The following GPATCH2 variants were observed in gnomAD, a reference collection of about 807,000 sequenced individuals.
GPATCH2 encodes the protein G-patch domain containing 2, also known as G patch domain-containing protein 2.
In GPATCH2, 51 loss-of-function variants were observed where a neutral mutation model predicts 58.0. The ratio of observed to expected loss-of-function variants is 0.88; its 90% confidence interval spans 0.70 to 1.11. The LOEUF (loss-of-function observed/expected upper bound fraction) is 1.11, where lower values mean the gene tolerates loss of function less well. Among genes scored for constraint, GPATCH2 ranks in the 50% most tolerant of loss-of-function variants. GPATCH2 has a pLI of 0.00. For synonymous variants in GPATCH2, 222 were observed against 218.5 expected (o/e 1.02, Z -0.14); for missense variants, 625 against 652.2 (o/e 0.96, Z 0.45).
chr1:217,613,303 A>T (rs1346882660), intron 3 of GPATCH2, among the ~76,000 whole-genome samples: 2 of 152,140 alleles, frequency 1.3e-5, no homozygotes, highest in Non-Finnish European at 2.9e-5. Flanking sequence ...GGATGAACAG[A>T]CTAAGAAAAA....
At chr1:217,540,930 G>A (rs1334346495) in intron 5 of GPATCH2, among the ~76,000 whole-genome samples, 2 of 152,098 alleles carry the variant, frequency 1.3e-5, no homozygotes, top group Non-Finnish European at 2.9e-5. Flanking sequence ...CAAATTTATT[G>A]TAATACTGTT....
chr1:217,542,518 C>T (rs144637951), intron 5 of GPATCH2, among the ~76,000 whole-genome samples: 33 of 152,272 alleles, frequency 2.2e-4, no homozygotes, highest in African/African-American at 7.2e-4. Flanking sequence ...AAGTTTCAAG[C>T]GCTGGGAGCC....
intron 2 of GPATCH2, among the ~76,000 whole-genome samples, chr1:217,615,753 T>C (rs901982582): frequency 6.6e-6 from 1 of 152,128 alleles, no homozygotes; most frequent in Non-Finnish European, 1.5e-5. Context: ...ATTTCTTCAA[T>C]TAAATGAATG....
At chr1:217,541,516 C>A (rs1238421017) in intron 5 of GPATCH2, among the ~76,000 whole-genome samples, 1 of 152,030 alleles carries the variant, frequency 6.6e-6, no homozygotes, top group Non-Finnish European at 1.5e-5. Flanking sequence ...AGGGGTCTGA[C>A]AAGTAGAGTC....
intron 5 of GPATCH2, among the ~76,000 whole-genome samples, chr1:217,554,788 G>T (rs1665539799): frequency 6.6e-6 from 1 of 152,030 alleles, no homozygotes; most frequent in South Asian, 2.1e-4. Context: ...GTTTGACTTA[G>T]GGAAAAAAGT....
At chr1:217,580,581 T>C (rs527818460) in intron 5 of GPATCH2, among the ~76,000 whole-genome samples, 50 of 152,320 alleles carry the variant, frequency 3.3e-4, no homozygotes, top group Admixed American at 7.2e-4. Context: ...TTATAATTAG[T>C]GTACAGCATT....
At chr1:217,599,995 C>T (rs1668034671) in intron 5 of GPATCH2, among the ~76,000 whole-genome samples, 1 of 151,894 alleles carries the variant, frequency 6.6e-6, no homozygotes, top group African/African-American at 2.4e-5. Flanking sequence ...AAGTAGATAC[C>T]ATTAAATGTT....
chr1:217,498,322 G>A (rs1662112111), intron 7 of GPATCH2, 34 bp downstream of exon 7: 1 of 1,546,066 alleles, frequency 6.5e-7, no homozygotes, highest in Non-Finnish European at 8.9e-7. Context: ...GAAAGAGGCT[G>A]AGTAACTTCC....
At chr1:217,585,834 C>T (rs893516347) in intron 5 of GPATCH2, among the ~76,000 whole-genome samples, 1 of 152,020 alleles carries the variant, frequency 6.6e-6, no homozygotes, top group African/African-American at 2.4e-5. Flanking sequence ...TTACACAAAC[C>T]CAGATGATAT....
At chr1:217,523,261 G>T (rs1386466603) in intron 5 of GPATCH2, among the ~76,000 whole-genome samples, 6 of 151,512 alleles carry the variant, frequency 4.0e-5, no homozygotes, top group Admixed American at 6.6e-5. Flanking sequence ...GTGGAGGGAA[G>T]GTCAGCAGAT....
chr1:217,478,197 C>T (rs1188076714), intron 8 of GPATCH2, among the ~76,000 whole-genome samples: 1 of 152,030 alleles, frequency 6.6e-6, no homozygotes. Context: ...CAAATGAGCC[C>T]AGAATGAGAA....
intron 5 of GPATCH2, among the ~76,000 whole-genome samples, chr1:217,571,678 G>A (rs1255196929): frequency 1.1e-4 from 10 of 88,928 alleles, no homozygotes; most frequent in South Asian, 9.1e-4. Context: ...ACAAAAATTC[G>A]CCCAGCGAAG....
At chr1:217,456,816 G>C (rs1261820939) in intron 8 of GPATCH2, among the ~76,000 whole-genome samples, 1 of 152,056 alleles carries the variant, frequency 6.6e-6, no homozygotes, top group Admixed American at 6.6e-5. Flanking sequence ...CACATATATA[G>C]GTCACCTTTT....
rs149447760 is a variant in GPATCH2, at chr1:217,509,974, T to C, written c.1166+4848A>G. ...ACCAATGATTCCTTAAAGTAGGTTA[T>C]AGCAGATACTATTACTGCTTCCTCA... is the stretch of plus-strand genomic sequence containing the variant. On this transcript the variant is annotated intron_variant, in intron 6 of 9. Coordinates refer to ENST00000366935, the MANE Select transcript of GPATCH2 (RefSeq NM_018040.5). 3.1e-3 allele frequency among the ~76,000 whole-genome samples: 479 copies of C among 152,344 alleles called. 4 individuals are homozygous for C. Among genetic ancestry groups the C allele is most frequent in the African/African-American group, 0.011 (461 of 41,594 alleles).
intron 6 of GPATCH2, among the ~76,000 whole-genome samples, chr1:217,507,837 C>T (rs561018979): frequency 6.6e-6 from 1 of 151,894 alleles, no homozygotes; most frequent in Non-Finnish European, 1.5e-5. Context: ...TTTGGTTGAG[C>T]GATGTGTAGT....
In GPATCH2 at chr1:217,495,496, C is replaced by T. The variant is rs184586224; in HGVS notation, c.1206+2860G>A. Among the ~76,000 whole-genome samples the T allele has an allele frequency of 1.5e-4, 23 of 152,306 alleles. No homozygotes were observed. In the East Asian group the frequency reaches 2.1e-3, roughly 14 times the overall value. On this transcript the variant is annotated intron_variant, in intron 7 of 9. Transcript: ENST00000366935. ...AACTAAGTAAAAACTAAACTATGAT[C>T]TGACTCACTAAGATACTTCTTGTAA...
intron 5 of GPATCH2, among the ~76,000 whole-genome samples, chr1:217,528,743 G>T (rs1471182431): frequency 1.3e-5 from 2 of 152,168 alleles, no homozygotes; most frequent in African/African-American, 4.8e-5. Context: ...GAAGGAGGAG[G>T]CCAGACAGAT....
At position 217,620,517 on chromosome 1, in the gene GPATCH2, A is replaced by G. The variant is rs1388025563; in HGVS notation, c.57-18T>C. On this transcript the variant is annotated intron_variant, in intron 1 of 9. Transcript: ENST00000366935. ...TGAAATGCCTTCATTTTTTAGAGAA[A>G]GAAAAAAGAAAATAGTCAGTCTTAA... is the stretch of plus-strand genomic sequence containing the variant. 2.8e-6 allele frequency: 4 copies of G among 1,454,166 alleles called. No individual in the cohort carries two copies. The highest frequency in any genetic ancestry group is 3.8e-6 in the Non-Finnish European group (4 of 1,053,236). The allele number at this position is 1,454,166 out of a possible 1,614,324, so 90.1% of individuals were successfully genotyped here.
At chr1:217,629,132 T>C (rs1669604640) in intron 1 of GPATCH2, among the ~76,000 whole-genome samples, 1 of 152,094 alleles carries the variant, frequency 6.6e-6, no homozygotes, top group Non-Finnish European at 1.5e-5. Context: ...TGGAATTTAT[T>C]ACTGGGATCA....
Sources: allele counts gnomAD v4.1 joint callset (sites outside exome capture counted in the v4.1 genomes callset), GRCh38; gene constraint gnomAD v4.1.1; transcripts MANE v1.5; gene names NCBI Gene and HGNC (gene_info 2026-07-23, HGNC 2026-07-21).